Variants in TNKS observed in about 807,000 individuals in gnomAD.
TNKS encodes the protein tankyrase.
In TNKS, 72 loss-of-function variants were observed where a neutral mutation model predicts 135.8. The observed-to-expected ratio is 0.53, with a 90% CI of 0.44 to 0.64. The LOEUF is 0.64. TNKS is among the 30% of genes least tolerant of loss of function. The pLI is 0.00. For synonymous variants in TNKS, 849 were observed against 649.3 expected, an observed-to-expected ratio of 1.31 and a Z score of -4.68; for missense variants, 1,769 against 1,674.0, an observed-to-expected ratio of 1.06 and a Z score of -0.99.
At chr8:9,731,591 A>G (rs1169071966) in intron 14 of TNKS, among the ~76,000 whole-genome samples, 1 of 151,878 alleles carries the variant, frequency 6.6e-6, no homozygotes, top group African/African-American at 2.4e-5. Context: ...TTGTAAATGC[A>G]TAGACTTGTG....
intron 17 of TNKS, among the ~76,000 whole-genome samples, chr8:9,743,900 A>G (rs1357832053): frequency 6.6e-6 from 1 of 152,190 alleles, no homozygotes; most frequent in East Asian, 1.9e-4. Context: ...TTAAATAAAC[A>G]CAGATTAATT....
chr8:9,720,637 G>A, intron 12 of TNKS, 92 bp downstream of exon 12: 1 of 1,359,392 alleles, frequency 7.4e-7, no homozygotes. Flanking sequence ...TACTTTGCCT[G>A]AAGTTTTTCT....
At chr8:9,631,092 T>A (rs1800271759) in intron 3 of TNKS, among the ~76,000 whole-genome samples, 1 of 152,238 alleles carries the variant, frequency 6.6e-6, no homozygotes, top group Non-Finnish European at 1.5e-5. Context: ...AACTAGATAT[T>A]CTTGGCTAAG....
In TNKS at chr8:9,640,545, C is replaced by G. The variant is rs1233567167; in HGVS notation, c.994+24868C>G. ...AATAGGGAAGTAAATAACTATCTGA[C>G]TGGATCCATTATATTCAAGAACCTG... On this transcript the variant is annotated intron_variant, in intron 3 of 26. Transcript: ENST00000310430. 2.7e-5 allele frequency among the ~76,000 whole-genome samples: 4 copies of G among 146,084 alleles called. 1 individual carries two copies. Among genetic ancestry groups the G allele is most frequent in the African/African-American group, 1.0e-4 (4 of 39,426 alleles).
intron 3 of TNKS, among the ~76,000 whole-genome samples, chr8:9,628,070 G>T (rs570275981): frequency 1.3e-5 from 2 of 152,056 alleles, no homozygotes; most frequent in South Asian, 4.2e-4. Flanking sequence ...ACCTTCTCAG[G>T]AATTTGTTTC....
intron 3 of TNKS, among the ~76,000 whole-genome samples, chr8:9,619,899 T>C (rs1378363716): frequency 6.6e-6 from 1 of 151,830 alleles, no homozygotes; most frequent in African/African-American, 2.4e-5. Context: ...ACCACCTAGC[T>C]TTGACTACTA....
chr8:9,562,789 G>C (rs1797387473), intron 1 of TNKS, among the ~76,000 whole-genome samples: 1 of 151,702 alleles, frequency 6.6e-6, no homozygotes, highest in African/African-American at 2.4e-5. Context: ...AAGGTCTGAT[G>C]AGAATGGGAA....
intron 3 of TNKS, among the ~76,000 whole-genome samples, chr8:9,646,696 C>T (rs1800932049): frequency 6.6e-6 from 1 of 152,160 alleles, no homozygotes; most frequent in South Asian, 2.1e-4. Flanking sequence ...ATGGATATTT[C>T]AGTACCATTA....
intron 13 of TNKS, 64 bp downstream of exon 13, chr8:9,726,784 A>G (rs771415626): frequency 1.5e-6 from 2 of 1,322,652 alleles, no homozygotes; most frequent in African/African-American, 2.9e-5. Flanking sequence ...TTCATTTTTA[A>G]GCTTCTAAGT....
intron 5 of TNKS, among the ~76,000 whole-genome samples, chr8:9,689,859 T>G (rs1442188028): frequency 1.3e-5 from 2 of 152,230 alleles, no homozygotes; most frequent in African/African-American, 2.4e-5. Context: ...CCCTCCTATG[T>G]AATTATTAAA....
At chr8:9,651,993 A>G (rs1227603027) in intron 3 of TNKS, among the ~76,000 whole-genome samples, 1 of 152,240 alleles carries the variant, frequency 6.6e-6, no homozygotes, top group Non-Finnish European at 1.5e-5. Flanking sequence ...TATGCGTTTC[A>G]TGCAGTCATT....
At position 9,685,862 on chromosome 8, in the gene TNKS, A is replaced by G. The variant is rs565281390; in HGVS notation, c.1107+5062A>G. The stretch of plus-strand genomic sequence containing the variant: ...ATCCAGTGAAGAACAAGAAAGATGG[A>G]GGATTAGTGTAATTCTTTGTATCTA... On this transcript the variant is annotated intron_variant, in intron 5 of 26. Transcript: ENST00000310430. Among the ~76,000 whole-genome samples, 38 of 152,288 alleles carry G rather than the reference A, an allele frequency of 2.5e-4. No individual in the cohort carries two copies. In the South Asian group the frequency reaches 7.7e-3, roughly 31 times the overall value.
At chr8:9,575,665 T>G (rs567699928) in intron 1 of TNKS, among the ~76,000 whole-genome samples, 3 of 152,264 alleles carry the variant, frequency 2.0e-5, no homozygotes, top group East Asian at 3.9e-4. Flanking sequence ...ATGTTCAGAA[T>G]ATGTAAAGAA....
intron 1 of TNKS, among the ~76,000 whole-genome samples, chr8:9,559,976 A>G (rs1160147829): frequency 2.6e-5 from 4 of 152,126 alleles, no homozygotes; most frequent in Admixed American, 6.5e-5. Context: ...CCTTTGTAAG[A>G]TGGCTTTGTA....
chr8:9,566,757 C>T (rs1035494102), intron 1 of TNKS, among the ~76,000 whole-genome samples: 5 of 151,404 alleles, frequency 3.3e-5, no homozygotes, highest in South Asian at 2.1e-4. Flanking sequence ...TACAGGCGCC[C>T]GCCACCGCGC....
chr8:9,666,459 C>T (rs1030328439), intron 3 of TNKS, among the ~76,000 whole-genome samples: 3 of 152,124 alleles, frequency 2.0e-5, no homozygotes, highest in African/African-American at 7.2e-5. Context: ...GTAGCTCACG[C>T]CTGTAATCCC....
At chr8:9,766,562 C>T (rs748769724) in intron 25 of TNKS, 137 bp downstream of exon 25, 28 of 706,506 alleles carry the variant, frequency 4.0e-5, no homozygotes, top group Admixed American at 2.3e-4. Flanking sequence ...TCCTGGCTCA[C>T]GCAACCTCCA....
chr8:9,677,470 A>G (rs1184207422), intron 3 of TNKS, among the ~76,000 whole-genome samples: 2 of 152,134 alleles, frequency 1.3e-5, no homozygotes, highest in African/African-American at 4.8e-5. Flanking sequence ...CTCTTATTGG[A>G]GTCATGTTTC....
chr8:9,606,149 T>G (rs1246073474), intron 2 of TNKS, among the ~76,000 whole-genome samples: 1 of 35,292 alleles, frequency 2.8e-5, no homozygotes, highest in African/African-American at 5.5e-5. Context: ...TAAGAGTTAT[T>G]TTGTGTTTTT....
Sources: gnomAD v4.1 joint callset for allele counts (sites outside exome capture counted in the v4.1 genomes callset) on GRCh38, gnomAD v4.1.1 for gene constraint, MANE v1.5 for transcripts, NCBI Gene and HGNC (gene_info 2026-07-23, HGNC 2026-07-21) for gene names.